Variants in KIAA0040 observed in about 807,000 individuals in gnomAD.
KIAA0040 encodes the protein uncharacterized protein KIAA0040.
Under a neutral mutation model 7.2 loss-of-function variants are expected in KIAA0040, and 10 were observed. The observed-to-expected ratio is 1.38, with a 90% CI of 0.85 to 2.34. The LOEUF (loss-of-function observed/expected upper bound fraction) is 2.34, where lower values mean the gene tolerates loss of function less well. Ranked by LOEUF, KIAA0040 falls within the 30% of genes most tolerant of loss-of-function variation. The pLI is 0.00. For missense variants in KIAA0040, 89 were observed against 108.2 expected (o/e 0.82, Z 0.79); for synonymous variants, 49 against 40.1 (o/e 1.22, Z -0.84).
chr1:175,176,669 CTTTTTTTTTTTTTTTTTTT>C (rs34859478), intron 2 of KIAA0040, among the ~76,000 whole-genome samples: 1 of 27,440 alleles, frequency 3.6e-5, no homozygotes, highest in East Asian at 1.8e-3. Context: ...AAGTAGCATG[CTTTTTTTTTTTTTTTTTTT>C]TTTTTTTTTT....
In KIAA0040 at chr1:175,160,777, G is replaced by A; in HGVS notation, c.237C>T (p.Asp79=). The A allele has an allele frequency of 6.5e-7, 1 of 1,545,100 alleles. No homozygotes were observed. Among genetic ancestry groups the A allele is most frequent in the South Asian group, 1.2e-5 (1 of 83,634 alleles). Reference sequence around the variant, plus strand: ...GCTTGGGTTGAGCAGAGATCCAGAGGTCTTCTTCATCCTTCTTCTTCTTCT... The same window carrying A: ...GCTTGGGTTGAGCAGAGATCCAGAGATCTTCTTCATCCTTCTTCTTCTTCT... ...KKKKKKKDEE[D]LWISAQPKLL... Residue 79 remains aspartate (D), a synonymous_variant, in exon 4 of 4, where the codon GAC becomes GAT. Coordinates refer to ENST00000423313, the MANE Select transcript of KIAA0040 (RefSeq NM_014656.3).
intron 1 of KIAA0040, among the ~76,000 whole-genome samples, chr1:175,185,695 AG>A (rs1300208475): frequency 6.6e-6 from 1 of 152,246 alleles, no homozygotes; most frequent in African/African-American, 2.4e-5. Flanking sequence ...TTCCATTCCT[AG>A]GTTTATGCCC....
chr1:175,172,546 C>T (rs1677029784), intron 2 of KIAA0040, among the ~76,000 whole-genome samples: 1 of 152,202 alleles, frequency 6.6e-6, no homozygotes, highest in Admixed American at 6.5e-5. Flanking sequence ...CACTCCAGTC[C>T]AGGTGACAGG....
chr1:175,168,669 G>A (rs186904066), intron 2 of KIAA0040, among the ~76,000 whole-genome samples: 1 of 152,266 alleles, frequency 6.6e-6, no homozygotes, highest in African/African-American at 2.4e-5. Flanking sequence ...TGCATCTTGC[G>A]GGAGATCACC....
rs12139941 is a variant in KIAA0040, at chr1:175,158,480, C to T, written c.*2234G>A. 0.12 allele frequency: 17,737 copies of T among 152,214 alleles called. 1,394 individuals are homozygous for T. Among genetic ancestry groups the T allele is most frequent in the East Asian group, 0.31 (1,599 of 5,160 alleles). 9.4% of individuals were successfully genotyped at this position (152,214 alleles called of 1,614,324 possible). ...CCGCCCTCCTAGATCATATCTGACA[C>T]TACGTCTCAGCTGTCAGCCTCCACC... On this transcript the variant is annotated 3_prime_UTR_variant, in exon 4 of 4. Coordinates refer to ENST00000423313, the MANE Select transcript of KIAA0040 (RefSeq NM_014656.3).
At chr1:175,171,120 A>T (rs1312106250) in intron 2 of KIAA0040, among the ~76,000 whole-genome samples, 2 of 152,138 alleles carry the variant, frequency 1.3e-5, no homozygotes, top group Non-Finnish European at 2.9e-5. Flanking sequence ...GCTCAAATAC[A>T]TTTTCATACA....
intron 1 of KIAA0040, among the ~76,000 whole-genome samples, chr1:175,179,089 T>C (rs1175325325): frequency 1.3e-5 from 2 of 151,662 alleles, no homozygotes; most frequent in African/African-American, 4.9e-5. Context: ...GCTACATAGG[T>C]TGGAAAAGCC....
At chr1:175,166,334 A>C (rs1318986078) in intron 3 of KIAA0040, among the ~76,000 whole-genome samples, 9 of 152,170 alleles carry the variant, frequency 5.9e-5, no homozygotes, top group African/African-American at 2.2e-4. Flanking sequence ...AAGGAGTTAA[A>C]AATACAGATT....
At chr1:175,164,903 A>C (rs1024440469) in intron 3 of KIAA0040, among the ~76,000 whole-genome samples, 2 of 152,200 alleles carry the variant, frequency 1.3e-5, no homozygotes, top group East Asian at 1.9e-4. Flanking sequence ...AAGAAGACAC[A>C]CTTCGGCCCC....
intron 2 of KIAA0040, among the ~76,000 whole-genome samples, chr1:175,171,005 C>T (rs768242790): frequency 5.9e-5 from 9 of 152,358 alleles, no homozygotes; most frequent in South Asian, 2.1e-4. Flanking sequence ...GTGGCCTAGC[C>T]GCGCCTACTA....
At chr1:175,191,086 T>G (rs1677848586) in intron 1 of KIAA0040, among the ~76,000 whole-genome samples, 1 of 152,174 alleles carries the variant, frequency 6.6e-6, no homozygotes, top group Non-Finnish European at 1.5e-5. Flanking sequence ...ACAATGTATA[T>G]TATCCTGAAC....
chr1:175,157,831 T>C lies in KIAA0040; in HGVS notation c.*2883A>G, dbSNP rs909651654. On this transcript the variant is annotated 3_prime_UTR_variant, in exon 4 of 4. Coordinates refer to ENST00000423313, the MANE Select transcript of KIAA0040 (RefSeq NM_014656.3). The stretch of plus-strand genomic sequence containing the variant: ...GGGGATGTCTTTCTCGAGCCTGTGC[T>C]GGTCTAGGAAGCCTCTTCTTTAGGA... 2.0e-5 allele frequency: 3 copies of C among 152,312 alleles called. No individual in the cohort carries two copies. The highest frequency in any genetic ancestry group is 1.3e-4 in the Admixed American group (2 of 15,290). 9.4% of individuals were successfully genotyped at this position (152,312 alleles called of 1,614,324 possible). A position where few individuals can be genotyped will look rare whatever the true frequency, so the allele number is the denominator to read the frequency against.
chr1:175,174,316 T>C (rs1214152077), intron 2 of KIAA0040, among the ~76,000 whole-genome samples: 3 of 152,192 alleles, frequency 2.0e-5, no homozygotes, highest in Admixed American at 6.5e-5. Context: ...TGAGGGATGT[T>C]TGCAAGAGGA....
At chr1:175,170,880 CATCTAAACTAGAAGTAT>C (rs1676965543) in intron 2 of KIAA0040, among the ~76,000 whole-genome samples, 2 of 1,776 alleles carry the variant, frequency 1.1e-3, no homozygotes, top group Non-Finnish European at 2.5e-3. Flanking sequence ...AGAAGTATGA[CATCTAAACTAGAAGTAT>C]GACATCTAAA....
At chr1:175,182,611 C>T (rs1677482251) in intron 1 of KIAA0040, among the ~76,000 whole-genome samples, 1 of 152,224 alleles carries the variant, frequency 6.6e-6, no homozygotes, top group African/African-American at 2.4e-5. Flanking sequence ...AGCTTTCAGT[C>T]TACGCTCTCA....
Position 175,158,771 on chromosome 1 carries a change from T to C in KIAA0040, c.*1943A>G, listed in dbSNP as rs1676400413. ...GAGGCCTGAGTGCTTAGGCAGTTTATGGCCATATAGGGTGAGAGGGCAAAT... is the reference window on the plus strand; with the variant it reads ...GAGGCCTGAGTGCTTAGGCAGTTTACGGCCATATAGGGTGAGAGGGCAAAT... On this transcript the variant is annotated 3_prime_UTR_variant, in exon 4 of 4. Coordinates refer to ENST00000423313, the MANE Select transcript of KIAA0040 (RefSeq NM_014656.3). 6.6e-6 allele frequency: 1 copy of C among 152,148 alleles called. No homozygotes were observed. The highest frequency in any genetic ancestry group is 1.9e-4 in the East Asian group (1 of 5,190). The allele number at this position is 152,148 out of a possible 1,614,324, so 9.4% of individuals were successfully genotyped here. A position where few individuals can be genotyped will look rare whatever the true frequency, so the allele number is the denominator to read the frequency against.
rs1324859611 is a variant in KIAA0040, at chr1:175,159,560, A to T, written c.*1154T>A. ...ATAGCTTCATCCTACTTTCATTTAA[A>T]CTCTGTTACCTCTGCATCCCACCTG... On this transcript the variant is annotated 3_prime_UTR_variant, in exon 4 of 4. Coordinates refer to ENST00000423313, the MANE Select transcript of KIAA0040 (RefSeq NM_014656.3). 6.6e-6 allele frequency: 1 copy of T among 152,164 alleles called. No individual in the cohort carries two copies. Among genetic ancestry groups the T allele is most frequent in the Non-Finnish European group, 1.5e-5 (1 of 68,028 alleles). 9.4% of individuals were successfully genotyped at this position (152,164 alleles called of 1,614,324 possible).
intron 2 of KIAA0040, among the ~76,000 whole-genome samples, chr1:175,167,346 GT>G (rs1426634382): frequency 3.3e-5 from 5 of 152,132 alleles, no homozygotes; most frequent in Admixed American, 2.6e-4. Context: ...ACTGTAAAGT[GT>G]CCCCCCAAAG....
At position 175,159,844 on chromosome 1, in the gene KIAA0040, G is replaced by C. The variant is rs747478937; in HGVS notation, c.*870C>G. The C allele has an allele frequency of 6.6e-6, 1 of 152,126 alleles. No individual in the cohort carries two copies. Among genetic ancestry groups the C allele is most frequent in the Non-Finnish European group, 1.5e-5 (1 of 68,030 alleles). The allele number at this position is 152,126 out of a possible 1,614,324, so 9.4% of individuals were successfully genotyped here. On this transcript the variant is annotated 3_prime_UTR_variant, in exon 4 of 4. Coordinates refer to ENST00000423313, the MANE Select transcript of KIAA0040 (RefSeq NM_014656.3). ...ACCAAGAGCTCTTTGTTCTTGCTTG[G>C]AGAAAGGCACTTTGCTGAGTGGTTT...
Sources: allele counts gnomAD v4.1 joint callset (sites outside exome capture counted in the v4.1 genomes callset), GRCh38; gene constraint gnomAD v4.1.1; transcripts MANE v1.5; gene names NCBI Gene and HGNC (gene_info 2026-07-23, HGNC 2026-07-21).